The following FAM83A variants were observed in gnomAD, a reference collection of about 807,000 sequenced individuals.
FAM83A encodes the protein protein FAM83A.
Under a neutral mutation model 24.4 loss-of-function variants are expected in FAM83A, and 21 were observed. That is an observed-to-expected ratio of 0.86 (90% CI 0.61 to 1.24). The LOEUF is 1.24. FAM83A is among the 50% of genes most tolerant of loss of function. FAM83A has a pLI of 0.00. For synonymous variants in FAM83A, 270 were observed against 252.4 expected (o/e 1.07, Z -0.66); for missense variants, 617 against 579.8 (o/e 1.06, Z -0.66).
exon 4 of FAM83A, chr8:123,208,343 T>C (rs1431860344): frequency 1.6e-5 from 16 of 985,420 alleles, no homozygotes; most frequent in Non-Finnish European, 1.9e-5. Context: ...GCTGAGGAGT[T>C]TGGGGTGTTG....
At chr8:123,189,421 A>G (rs1477625641) in intron 1 of FAM83A, among the ~76,000 whole-genome samples, 1 of 152,208 alleles carries the variant, frequency 6.6e-6, no homozygotes, top group African/African-American at 2.4e-5. Flanking sequence ...GATTAGAAAG[A>G]TAGTGGAAAC....
chr8:123,183,247 G>GA lies in FAM83A; in HGVS notation c.396dup (p.Ser133IlefsTer27). 6.2e-7 allele frequency: 1 copy of GA among 1,613,324 alleles called. No individual in the cohort carries two copies. On this transcript the variant is annotated frameshift_variant, in exon 1 of 4. Transcript: ENST00000690554. LOFTEE classifies it high-confidence loss of function. ...CTCAGCTGAGAAGCCCTACCTGAAG[G>GA]AAAAATCCAGCGCCACTGTGTACTT...
chr8:123,209,410 CT>C lies in FAM83A; in HGVS notation c.*1728del. 2 of 1,612,554 alleles carry C rather than the reference CT, an allele frequency of 1.2e-6. No individual in the cohort carries two copies. The highest frequency in any genetic ancestry group is 1.7e-6 in the Non-Finnish European group (2 of 1,178,852). On this transcript the variant is annotated 3_prime_UTR_variant, in exon 4 of 4. Transcript: ENST00000690554. The surrounding 1 kb of genome is among the most constrained non-coding windows in gnomAD (Gnocchi z 4.7). ...TTAATTATTGTATTCCTGTCCTTCA[CT>C]TTTTTCCTCCTTAGTTCCTGAAAGT...
intron 2 of FAM83A, among the ~76,000 whole-genome samples, chr8:123,192,303 T>C (rs1824007707): frequency 6.6e-6 from 1 of 152,146 alleles, no homozygotes; most frequent in African/African-American, 2.4e-5. Flanking sequence ...CTGGGAAATG[T>C]AAAGGGTCAT....
intron 3 of FAM83A, among the ~76,000 whole-genome samples, chr8:123,203,221 T>TAA (rs34707090): frequency 3.4e-4 from 49 of 144,332 alleles, no homozygotes; most frequent in South Asian, 1.3e-3. Flanking sequence ...ATACACACAT[T>TAA]AAAAAAAAAA....
chr8:123,184,877 G>T (rs765667452), intron 1 of FAM83A, among the ~76,000 whole-genome samples: 1 of 152,198 alleles, frequency 6.6e-6, no homozygotes, highest in Non-Finnish European at 1.5e-5. Flanking sequence ...GTTTGGGTTG[G>T]TTTTTTGCTA....
In FAM83A at chr8:123,200,962, A is replaced by ATATAT. The variant is rs1376845493; in HGVS notation, c.774-6195_774-6194insTATAT. ...CTCTGTCTCAAACAAATAAACAAAA[A>ATATAT]AAAAAAATATATATATATATATACA... On this transcript the variant is annotated intron_variant, in intron 3 of 3. Transcript: ENST00000690554. 6.8e-4 allele frequency among the ~76,000 whole-genome samples: 96 copies of ATATAT among 141,216 alleles called. 1 individual carries two copies. Among genetic ancestry groups the ATATAT allele is most frequent in the African/African-American group, 2.5e-3 (94 of 37,936 alleles). The allele number at this position is 141,216 out of a possible 152,430, so 92.6% of individuals were successfully genotyped here.
intron 3 of FAM83A, among the ~76,000 whole-genome samples, chr8:123,203,586 C>CAAAAAAAAAAAAAAAAAAAAAAGAAA: frequency 2.4e-5 from 1 of 41,168 alleles, no homozygotes; most frequent in Non-Finnish European, 5.8e-5. Flanking sequence ...AGATCTGTCT[C>CAAAAAAAAAAAAAAAAAAAAAAGAAA]AAAAAAAAAA....
chr8:123,195,869 C>A (rs1419583896), intron 3 of FAM83A, among the ~76,000 whole-genome samples: 5 of 152,210 alleles, frequency 3.3e-5, no homozygotes, highest in African/African-American at 1.2e-4. Flanking sequence ...CTAATAGCAT[C>A]ACATTGGGGA....
At chr8:123,182,895 T>C (rs758450873) in exon 1 of FAM83A, 1 of 1,531,872 alleles carries the variant, frequency 6.5e-7, no homozygotes, top group Non-Finnish European at 8.8e-7. Context: ...TCCGGAAGCG[T>C]CTGGAAGATG....
intron 1 of FAM83A, among the ~76,000 whole-genome samples, chr8:123,184,959 C>T (rs1170544940): frequency 6.6e-6 from 1 of 152,188 alleles, no homozygotes; most frequent in Non-Finnish European, 1.5e-5. Context: ...CCAGATAAAC[C>T]ATCCAAGGGT....
chr8:123,209,741 C>T lies in FAM83A; in HGVS notation c.*2053C>T. On this transcript the variant is annotated 3_prime_UTR_variant, in exon 4 of 4. Transcript: ENST00000690554. This position sits in a 1 kb window ranked among gnomAD's most constrained non-coding sequence, Gnocchi z 4.7. ...CAGGAACAAGCCCCCCTACTCCTGA[C>T]CACCCTCCATCAGCAGTCTCCCCTC... The T allele has an allele frequency of 3.3e-6, 2 of 613,338 alleles. No individual in the cohort carries two copies. The highest frequency in any genetic ancestry group is 5.7e-6 in the Non-Finnish European group (2 of 352,494). 38.0% of individuals were successfully genotyped at this position (613,338 alleles called of 1,614,324 possible). A position where few individuals can be genotyped will look rare whatever the true frequency, so the allele number is the denominator to read the frequency against.
exon 4 of FAM83A, chr8:123,208,264 C>T: frequency 1.0e-6 from 1 of 985,418 alleles, no homozygotes; most frequent in Non-Finnish European, 1.2e-6. Context: ...GGGGTGAGGC[C>T]CCAGAACCCG....
exon 4 of FAM83A, chr8:123,207,201 A>C: frequency 6.2e-7 from 1 of 1,610,158 alleles, no homozygotes; most frequent in Non-Finnish European, 8.5e-7. Context: ...ATCCTCTCCA[A>C]GTTCACAGGC....
chr8:123,183,222 C>G (rs761653288), exon 1 of FAM83A: 29 of 1,613,438 alleles, frequency 1.8e-5, no homozygotes, highest in Non-Finnish European at 1.8e-5. Context: ...ACAGCTGGGC[C>G]TCAGCTGAGA....
intron 3 of FAM83A, chr8:123,202,837 C>T (rs1824407147): frequency 6.6e-6 from 1 of 152,072 alleles, no homozygotes. Context: ...TGGTTATGTA[C>T]TTGTGGGTCA....
At chr8:123,182,468 C>A, upstream of FAM83A, 1 of 422,150 alleles carries the variant, frequency 2.4e-6, no homozygotes, top group Non-Finnish European at 4.8e-6. Context: ...GGGAGGCTCC[C>A]TGCTTGGTAA....
exon 4 of FAM83A, chr8:123,208,016 C>A (rs1184582920): frequency 1.8e-6 from 2 of 1,128,762 alleles, no homozygotes; most frequent in Non-Finnish European, 1.1e-6. Flanking sequence ...CCCAAAACTC[C>A]GTAAGAAGCA....
Position 123,189,291 on chromosome 8 carries a change from C to G in FAM83A, c.481-2512C>G, listed in dbSNP as rs528945495. On this transcript the variant is annotated intron_variant, in intron 1 of 3. Transcript: ENST00000690554. ...TTCCCTCCCCTGTCCAGCTATCCAT[C>G]CACATCACAGAAAGTTGATTCCAAG... Among the ~76,000 whole-genome samples the G allele has an allele frequency of 1.3e-4, 20 of 152,358 alleles. 1 individual carries two copies. Among genetic ancestry groups the G allele is most frequent in the African/African-American group, 4.3e-4 (18 of 41,580 alleles).
Sources: allele counts gnomAD v4.1 joint callset (sites outside exome capture counted in the v4.1 genomes callset), GRCh38; gene constraint gnomAD v4.1.1; non-coding constraint Gnocchi (gnomAD v3.1); transcripts MANE v1.5; gene names NCBI Gene and HGNC (gene_info 2026-07-23, HGNC 2026-07-21).